Variants in ZNF273 observed in about 807,000 individuals in gnomAD.
ZNF273 encodes the protein zinc finger protein 9.
In ZNF273, 11 loss-of-function variants were observed where a neutral mutation model predicts 14.9. That is an observed-to-expected ratio of 0.74 (90% CI 0.46 to 1.22). The LOEUF (loss-of-function observed/expected upper bound fraction) is 1.22. Ranked by LOEUF, ZNF273 falls within the 50% of genes most tolerant of loss-of-function variation. The pLI is 0.00. For synonymous variants in ZNF273, 199 were observed against 223.9 expected (o/e 0.89, Z 0.99); for missense variants, 577 against 660.6 (o/e 0.87, Z 1.39).
At chr7:64,918,350 A>C in intron 3 of ZNF273, 58 bp downstream of exon 3, 1 of 1,452,198 alleles carries the variant, frequency 6.9e-7, no homozygotes, top group South Asian at 1.2e-5. Flanking sequence ...CTAAAGGTCA[A>C]GGAGAAAGTC....
At chr7:64,889,107 G>T, downstream of ZNF273, 2 of 985,958 alleles carry the variant, frequency 2.0e-6, no homozygotes, top group Non-Finnish European at 2.4e-6. The surrounding 1 kb of genome is among the most constrained non-coding windows in gnomAD (Gnocchi z 4.2). Flanking sequence ...TCCGGGCTCC[G>T]GGAGCCAAGC....
chr7:64,883,209 T>TCAC (rs1554378860), downstream of ZNF273, among the ~76,000 whole-genome samples: 3 of 99,676 alleles, frequency 3.0e-5, no homozygotes, highest in Non-Finnish European at 6.1e-5. Context: ...GGAGCCCAAA[T>TCAC]CACCACCCCC....
upstream of ZNF273, among the ~76,000 whole-genome samples, chr7:64,898,340 AATG>A (rs1436561124): frequency 6.6e-6 from 1 of 152,200 alleles, no homozygotes; most frequent in East Asian, 1.9e-4. Context: ...TTGCCATTTT[AATG>A]ATGACAGTGA....
chr7:64,925,464 G>T (rs1412264492), intron 3 of ZNF273, among the ~76,000 whole-genome samples: 6 of 152,086 alleles, frequency 3.9e-5, no homozygotes, highest in African/African-American at 1.4e-4. Context: ...TTGAGACAGA[G>T]TCTCGCTCTG....
chr7:64,912,826 G>GTTTTTTTTTTTTTT (rs71061324), intron 1 of ZNF273, among the ~76,000 whole-genome samples: 535 of 36,516 alleles, frequency 0.015, 101 homozygotes, highest in Middle Eastern at 0.025. Context: ...ATTCATTTTA[G>GTTTTTTTTTTTTTT]TTTTTTTTTT....
intron 3 of ZNF273, among the ~76,000 whole-genome samples, chr7:64,918,619 CCACTG>C (rs1794186017): frequency 7.7e-6 from 1 of 129,348 alleles, no homozygotes; most frequent in African/African-American, 3.0e-5. Flanking sequence ...CAAGATTGTG[CCACTG>C]CACTCCAGCC....
At position 64,927,877 on chromosome 7, in the gene ZNF273, TG is replaced by T. The variant is rs1318080750; in HGVS notation, c.550del (p.Val184LeufsTer38). 6.2e-7 allele frequency: 1 copy of T among 1,613,778 alleles called. No individual in the cohort carries two copies. Among genetic ancestry groups the T allele is most frequent in the Non-Finnish European group, 8.5e-7 (1 of 1,179,886 alleles). ...GCAAAATATTTCAATGTGATAAATA[TG>T]TTAAAGTCCTTCATAAATTCTCAAA... Reference protein sequence around the residue: ...QSKIFQCDKYVKVLHKFSNSN... With the variant: ...QSKIFQCDKYXKVLHKFSNSN... On this transcript the variant is annotated frameshift_variant, in exon 4 of 4. Coordinates refer to ENST00000476120, the MANE Select transcript of ZNF273 (RefSeq NM_021148.3). LOFTEE classifies it low-confidence loss of function (END_TRUNC).
chr7:64,912,826 G>GTTTTTTGTTGTTTTTTTTTTTTTTTTTTT lies in ZNF273; in HGVS notation c.103-4749_103-4748insGTTGTTTTTTTTTTTTTTTTTTTTTTTTT. On this transcript the variant is annotated intron_variant, in intron 1 of 3. Transcript: ENST00000476120. ...TCTTTTTGACTCAGGATTCATTTTA[G>GTTTTTTGTTGTTTTTTTTTTTTTTTTTTT]TTTTTTTTTTTTTTTTTTTTGAGAT... Among the ~76,000 whole-genome samples the GTTTTTTGTTGTTTTTTTTTTTTTTTTTTT allele has an allele frequency of 1.9e-3, 69 of 36,568 alleles. 6 individuals are homozygous for GTTTTTTGTTGTTTTTTTTTTTTTTTTTTT. The highest frequency in any genetic ancestry group is 3.9e-3 in the South Asian group (3 of 768). The allele number at this position is 36,568 out of a possible 152,430, so 24.0% of individuals were successfully genotyped here.
downstream of ZNF273, among the ~76,000 whole-genome samples, chr7:64,892,861 C>T (rs538572098): frequency 1.2e-4 from 19 of 152,262 alleles, no homozygotes; most frequent in African/African-American, 4.6e-4. Flanking sequence ...GTGTCCACTC[C>T]CACCCTAATC....
At chr7:64,883,945 G>A (rs11980353), downstream of ZNF273, among the ~76,000 whole-genome samples, 7,451 of 152,252 alleles carry the variant, frequency 0.049, 563 homozygotes, top group African/African-American at 0.16. Context: ...GATACTTTTG[G>A]AACAGTAAAT....
chr7:64,905,096 A>C (rs1792997472), intron 1 of ZNF273, among the ~76,000 whole-genome samples: 1 of 143,114 alleles, frequency 7.0e-6, no homozygotes. Context: ...GCTGAGAGGC[A>C]TCTCCTGGTG....
At chr7:64,890,668 G>T (rs553154595), downstream of ZNF273, among the ~76,000 whole-genome samples, 1 of 152,228 alleles carries the variant, frequency 6.6e-6, no homozygotes, top group African/African-American at 2.4e-5. Flanking sequence ...CCATCCAAGA[G>T]CATGAGAGTC....
chr7:64,914,079 G>A (rs1343593148), intron 1 of ZNF273, among the ~76,000 whole-genome samples: 3 of 151,488 alleles, frequency 2.0e-5, no homozygotes, highest in East Asian at 3.9e-4. Flanking sequence ...CTTGATCTCG[G>A]CTACTTCAGC....
chr7:64,904,196 C>A (rs575972547), intron 1 of ZNF273, among the ~76,000 whole-genome samples: 1 of 152,152 alleles, frequency 6.6e-6, no homozygotes, highest in African/African-American at 2.4e-5. Flanking sequence ...TCATGCAATT[C>A]TCCTGCTTCA....
chr7:64,917,950 TAA>T (rs768040537), intron 2 of ZNF273, among the ~76,000 whole-genome samples: 11 of 152,168 alleles, frequency 7.2e-5, no homozygotes, highest in Non-Finnish European at 1.2e-4. Flanking sequence ...TTTAGTGGCA[TAA>T]AAGTTGCCCA....
At chr7:64,914,910 AGG>A (rs1470888601) in intron 1 of ZNF273, among the ~76,000 whole-genome samples, 1 of 123,186 alleles carries the variant, frequency 8.1e-6, no homozygotes, top group East Asian at 2.4e-4. Context: ...GGAGGAGAAA[AGG>A]GGAAAAAATG....
chr7:64,889,231 G>C (rs1791806884), downstream of ZNF273: 1 of 985,656 alleles, frequency 1.0e-6, no homozygotes. The surrounding 1 kb of genome is among the most constrained non-coding windows in gnomAD (Gnocchi z 4.2). Flanking sequence ...GGCTGGCGCT[G>C]TTCCTTGGCC....
At chr7:64,892,538 G>A (rs1004438410), downstream of ZNF273, among the ~76,000 whole-genome samples, 13 of 152,158 alleles carry the variant, frequency 8.5e-5, no homozygotes, top group Admixed American at 3.3e-4. Context: ...GGTGATACCC[G>A]AGATTTGTTG....
rs1027081621 is a variant in ZNF273 at position 64,929,780 on chromosome 7, C to T, written c.*742C>T. 3.3e-5 allele frequency: 5 copies of T among 150,288 alleles called. No homozygotes were observed. Among genetic ancestry groups the T allele is most frequent in the Non-Finnish European group, 5.9e-5 (4 of 67,856 alleles). The allele number at this position is 150,288 out of a possible 1,614,324, so 9.3% of individuals were successfully genotyped here. On this transcript the variant is annotated 3_prime_UTR_variant, in exon 4 of 4. Transcript: ENST00000476120. The stretch of plus-strand genomic sequence containing the variant: ...GTACACTTTTCTTTGGAAAAAATTA[C>T]AGGTTTTTTGAAAAGTGAATAATGT...
Sources: allele counts gnomAD v4.1 joint callset (sites outside exome capture counted in the v4.1 genomes callset), GRCh38; gene constraint gnomAD v4.1.1; non-coding constraint Gnocchi (gnomAD v3.1); transcripts MANE v1.5; gene names NCBI Gene and HGNC (gene_info 2026-07-23, HGNC 2026-07-21).